Variants in TXNDC16 observed in about 807,000 individuals in gnomAD.
The protein encoded by TXNDC16 is thioredoxin domain-containing protein 16.
Under a neutral mutation model 85.6 loss-of-function variants are expected in TXNDC16, and 74 were observed. The observed-to-expected ratio is 0.86, with a 90% CI of 0.72 to 1.05. The LOEUF is 1.05. Ranked by LOEUF, TXNDC16 falls within the 50% of genes least tolerant of loss-of-function variation. The probability of loss-of-function intolerance (pLI) is 0.00; values close to 1 mark genes in which losing one functional copy is unlikely to be tolerated. For synonymous variants in TXNDC16, 335 were observed against 326.5 expected (o/e 1.03, Z -0.28); for missense variants, 959 against 947.0 (o/e 1.01, Z -0.17).
intron 9 of TXNDC16, among the ~76,000 whole-genome samples, chr14:52,510,532 C>G (rs8003619): frequency 0.24 from 36,359 of 152,112 alleles, 4,942 homozygotes; most frequent in African/African-American, 0.37. Flanking sequence ...GTGCAAAGAT[C>G]ACAAGTGTGG....
In TXNDC16 at chr14:52,470,615, T is replaced by A. The variant is rs1217034370; in HGVS notation, c.1378A>T (p.Asn460Tyr). ...ADWSDVCTKQ[N>Y]VTEFPIIKMY... is the part of the protein sequence containing the mutation. ...TTTATGATAGGAAATTCAGTAACATTTTGCTTAGTACATACATCAGACCAA... is the reference window on the plus strand; with the variant it reads ...TTTATGATAGGAAATTCAGTAACATATTGCTTAGTACATACATCAGACCAA... The change falls in exon 15 of 21, where the codon AAT becomes TAT. Residue 460 changes from asparagine to tyrosine, a missense_variant. Asn to Tyr is a moderately radical substitution (Grantham distance 143). Transcript: ENST00000281741. The A allele has an allele frequency of 3.7e-6, 6 of 1,613,902 alleles. No homozygotes were observed. The highest frequency in any genetic ancestry group is 5.1e-6 in the Non-Finnish European group (6 of 1,179,966).
intron 20 of TXNDC16, among the ~76,000 whole-genome samples, chr14:52,433,394 G>C (rs1239406788): frequency 6.6e-6 from 1 of 151,998 alleles, no homozygotes; most frequent in Non-Finnish European, 1.5e-5. Context: ...GGCCCATTTA[G>C]GGTACTATTT....
At chr14:52,528,565 A>T (rs931360045) in intron 6 of TXNDC16, among the ~76,000 whole-genome samples, 1 of 151,804 alleles carries the variant, frequency 6.6e-6, no homozygotes, top group African/African-American at 2.4e-5. Flanking sequence ...TATATGATAT[A>T]TATATACACA....
chr14:52,528,912 T>C (rs2037404428), intron 6 of TXNDC16, among the ~76,000 whole-genome samples: 1 of 147,762 alleles, frequency 6.8e-6, no homozygotes, highest in African/African-American at 2.5e-5. Context: ...ATATATTATC[T>C]ATAATACCTA....
intron 20 of TXNDC16, among the ~76,000 whole-genome samples, chr14:52,433,575 T>C (rs557321499): frequency 1.2e-4 from 19 of 152,320 alleles, no homozygotes; most frequent in African/African-American, 4.3e-4. Flanking sequence ...AAAAAACATA[T>C]ATATTGCAAT....
In TXNDC16 at chr14:52,470,490, T is replaced by C. The variant is rs200474296; in HGVS notation, c.1481+22A>G. On this transcript the variant is annotated intron_variant, in intron 15 of 20. Transcript: ENST00000281741. ...TAAAGACCTAAACATTCAGAGATCT[T>C]ATAATGAAGCTGAATACTTACAGCT... 9.4e-5 allele frequency: 150 copies of C among 1,601,394 alleles called. No homozygotes were observed. The African/African-American group carries it at 1.8e-3, about 20-fold the overall frequency.
intron 16 of TXNDC16, among the ~76,000 whole-genome samples, chr14:52,464,261 C>T (rs1267493043): frequency 2.6e-5 from 4 of 152,150 alleles, no homozygotes; most frequent in Admixed American, 6.5e-5. Flanking sequence ...TTACATATGA[C>T]GATAGACGGC....
chr14:52,552,055 G>C (rs1307671897), intron 1 of TXNDC16, among the ~76,000 whole-genome samples: 1 of 152,194 alleles, frequency 6.6e-6, no homozygotes, highest in Non-Finnish European at 1.5e-5. Flanking sequence ...TCACTTAAGA[G>C]CTCCGATTCT....
intron 18 of TXNDC16, among the ~76,000 whole-genome samples, chr14:52,450,476 G>A (rs11848382): frequency 6.8e-5 from 10 of 147,270 alleles, no homozygotes; most frequent in South Asian, 4.2e-4. Context: ...GCCAAAGCTC[G>A]GGACCCAATG....
chr14:52,449,646 C>T (rs1176859584), intron 18 of TXNDC16, among the ~76,000 whole-genome samples: 1 of 152,112 alleles, frequency 6.6e-6, no homozygotes, highest in African/African-American at 2.4e-5. Flanking sequence ...TGCAGATACA[C>T]ATTCTTCTCC....
chr14:52,550,034 T>C (rs1403734081), intron 1 of TXNDC16, among the ~76,000 whole-genome samples: 1 of 152,180 alleles, frequency 6.6e-6, no homozygotes, highest in African/African-American at 2.4e-5. Context: ...TTGGACACAT[T>C]TAAATTTTAG....
chr14:52,470,192 A>G lies in TXNDC16; in HGVS notation c.1482-19T>C. The G allele has an allele frequency of 6.5e-7, 1 of 1,534,180 alleles. No homozygotes were observed. The highest frequency in any genetic ancestry group is 1.4e-5 in the African/African-American group (1 of 71,754). ...CCTGTTGCTGGATAAACATATAACT[A>G]TATTACAAATTAATTTTTTAAGATA... On this transcript the variant is annotated intron_variant, in intron 15 of 20. Transcript: ENST00000281741.
At chr14:52,518,300 C>A (rs1465554520) in intron 7 of TXNDC16, among the ~76,000 whole-genome samples, 1 of 152,156 alleles carries the variant, frequency 6.6e-6, no homozygotes, top group Non-Finnish European at 1.5e-5. Context: ...TCTAGTAATA[C>A]CCAACTACCA....
chr14:52,485,356 CAAA>C, intron 12 of TXNDC16, among the ~76,000 whole-genome samples: 1 of 152,018 alleles, frequency 6.6e-6, no homozygotes, highest in South Asian at 2.1e-4. Context: ...AATGTTATCA[CAAA>C]ACAGTCAAAA....
chr14:52,544,642 T>C (rs1395611034), intron 1 of TXNDC16, among the ~76,000 whole-genome samples: 1 of 152,042 alleles, frequency 6.6e-6, no homozygotes, highest in Non-Finnish European at 1.5e-5. Context: ...GAGTATTTAC[T>C]CTGCTCATTC....
chr14:52,494,159 AAAGTACTCAATAACTTGAGTTATT>A (rs1265964158), intron 9 of TXNDC16, among the ~76,000 whole-genome samples: 2 of 151,988 alleles, frequency 1.3e-5, no homozygotes, highest in Non-Finnish European at 2.9e-5. Context: ...ATATATATAT[AAAGTACTCAATAACTTGAGTTATT>A]AAGTACTCTT....
At position 52,519,187 on chromosome 14, in the gene TXNDC16, C is replaced by A; in HGVS notation, c.499G>T (p.Ala167Ser). The A allele has an allele frequency of 6.2e-7, 1 of 1,610,782 alleles. No homozygotes were observed. Among genetic ancestry groups the A allele is most frequent in the Non-Finnish European group, 8.5e-7 (1 of 1,178,676 alleles). Residue 167 changes from alanine (A) to serine (S), a missense_variant, in exon 7 of 21, where the codon GCC (alanine) becomes TCC (serine). Ala to Ser is a moderately conservative substitution (Grantham distance 99). Coordinates refer to ENST00000281741, the MANE Select transcript of TXNDC16 (RefSeq NM_020784.3). ...TAAAGAATACCTGGTATTCCAATGG[C>A]TCTTACATATGAGAATATAATATTT... ...KANIIFSYVR[A>S]IGIPEHRAVM...
chr14:52,491,155 T>G, intron 9 of TXNDC16, 150 bp from the exon 10 acceptor site: 1 of 938,688 alleles, frequency 1.1e-6, no homozygotes, highest in Non-Finnish European at 1.5e-6. Context: ...ATTCCCTGAA[T>G]TTAATGCTCC....
intron 20 of TXNDC16, among the ~76,000 whole-genome samples, chr14:52,437,765 A>G (rs1213031564): frequency 1.3e-5 from 2 of 152,250 alleles, no homozygotes; most frequent in Non-Finnish European, 1.5e-5. Flanking sequence ...AGATCTGAAT[A>G]GACACTTCTG....
Sources: allele counts gnomAD v4.1 joint callset (sites outside exome capture counted in the v4.1 genomes callset), GRCh38; gene constraint gnomAD v4.1.1; transcripts MANE v1.5; gene names NCBI Gene and HGNC (gene_info 2026-07-23, HGNC 2026-07-21).